Variants in CCDC178 observed in about 807,000 individuals in gnomAD.
CCDC178 encodes the protein coiled-coil domain-containing protein 178.
A neutral mutation model predicts 117.4 loss-of-function variants in CCDC178; 126 were observed. The ratio of observed to expected loss-of-function variants is 1.07; its 90% CI spans 0.93 to 1.24. The LOEUF is 1.24. Among genes scored for constraint, CCDC178 ranks in the 50% most tolerant of loss-of-function variants. The pLI, the probability that CCDC178 is intolerant of heterozygous loss-of-function variation, is 0.00. For synonymous variants in CCDC178, 283 were observed against 313.4 expected (o/e 0.90, Z 1.02); for missense variants, 1,030 against 986.9 (o/e 1.04, Z -0.59).
chr18:33,163,688 T>C (rs770125944), intron 20 of CCDC178, among the ~76,000 whole-genome samples: 14 of 152,174 alleles, frequency 9.2e-5, no homozygotes, highest in South Asian at 6.2e-4. Context: ...GCATTTGACA[T>C]GAAAATAATA....
chr18:33,148,711 T>C (rs1244469888), intron 20 of CCDC178, among the ~76,000 whole-genome samples: 2 of 152,222 alleles, frequency 1.3e-5, no homozygotes, highest in Non-Finnish European at 2.9e-5. Flanking sequence ...CCTTGTCTTC[T>C]TATTTCATCT....
Position 33,092,778 on chromosome 18 carries a change from T to C in CCDC178, c.2371A>G (p.Ile791Val), listed in dbSNP as rs368292012. The C allele has an allele frequency of 3.9e-5, 60 of 1,531,036 alleles. No individual in the cohort carries two copies. Among genetic ancestry groups the C allele is most frequent in the African/African-American group, 5.6e-5 (4 of 71,512 alleles). The allele number at this position is 1,531,036 out of a possible 1,614,324, so 94.8% of individuals were successfully genotyped here. A position where few individuals can be genotyped will look rare whatever the true frequency, so the allele number is the denominator to read the frequency against. Residue 791 changes from isoleucine (I) to valine (V), a missense_variant, in exon 21 of 23, where the codon ATT becomes GTT. By Grantham distance (29) the Ile-to-Val change is conservative. Transcript: ENST00000383096. ...ACCAATACCTGTTTCTTATCTCTAATTGAAGTATCAAGTGATAGCTGTTTA... is the reference window on the plus strand; with the variant it reads ...ACCAATACCTGTTTCTTATCTCTAACTGAAGTATCAAGTGATAGCTGTTTA... Reference protein sequence around the residue: ...YDKQLSLDTSIRDKKQLCQLQ... With the variant: ...YDKQLSLDTSVRDKKQLCQLQ...
chr18:33,073,527 CTATCTATCTATCTATCTATCTATCTATA>C (rs1268926604), intron 21 of CCDC178, among the ~76,000 whole-genome samples: 6 of 148,552 alleles, frequency 4.0e-5, no homozygotes, highest in Non-Finnish European at 5.9e-5. Context: ...ATCTATCTAT[CTATCTATCTATCTATCTATCTATCTATA>C]TATATATCTT....
intron 11 of CCDC178, 124 bp downstream of exon 11, chr18:33,323,367 G>A (rs1301807845): frequency 2.1e-6 from 1 of 483,922 alleles, no homozygotes; most frequent in Non-Finnish European, 3.3e-6. Context: ...GATAAGACAG[G>A]TATGAATAAT....
intron 21 of CCDC178, among the ~76,000 whole-genome samples, chr18:33,010,752 AT>A (rs1332125729): frequency 6.6e-6 from 1 of 152,116 alleles, no homozygotes; most frequent in African/African-American, 2.4e-5. Flanking sequence ...AGGTATGCAT[AT>A]TTTTTTCTTT....
rs551913268 is a variant in CCDC178 at position 33,041,431 on chromosome 18, AAT to A, written c.2388+51328_2388+51329del. 2.3e-3 allele frequency among the ~76,000 whole-genome samples: 341 copies of A among 150,488 alleles called. 4 individuals are homozygous for A. In the Middle Eastern group the frequency reaches 0.035, roughly 15 times the overall value. The stretch of plus-strand genomic sequence containing the variant: ...CAATGAAACATTTTATATAATGTAT[AAT>A]ATATGTTATATTAGAAAAAATCTAA... On this transcript the variant is annotated intron_variant, in intron 21 of 22. Transcript: ENST00000383096.
chr18:33,161,750 A>T (rs890744044), intron 20 of CCDC178, among the ~76,000 whole-genome samples: 2 of 152,106 alleles, frequency 1.3e-5, no homozygotes, highest in Admixed American at 6.5e-5. Context: ...ACATGAACTC[A>T]TCATTTTTTA....
chr18:33,366,123 T>G (rs1844601685), intron 6 of CCDC178, among the ~76,000 whole-genome samples: 1 of 152,074 alleles, frequency 6.6e-6, no homozygotes, highest in Admixed American at 6.6e-5. Context: ...ACTCATTCAG[T>G]GTACGTTATA....
intron 20 of CCDC178, among the ~76,000 whole-genome samples, chr18:33,138,928 G>A (rs993227605): frequency 1.3e-5 from 2 of 152,114 alleles, no homozygotes; most frequent in Non-Finnish European, 2.9e-5. Context: ...AGAAGGGAAG[G>A]AATTTCAGTG....
intron 21 of CCDC178, among the ~76,000 whole-genome samples, chr18:33,015,906 T>C (rs972688169): frequency 6.6e-6 from 1 of 152,172 alleles, no homozygotes; most frequent in Admixed American, 6.5e-5. Flanking sequence ...TGGCATAGGA[T>C]AGAATCAGTA....
chr18:33,280,964 G>A (rs546279899), intron 12 of CCDC178, among the ~76,000 whole-genome samples: 47 of 152,176 alleles, frequency 3.1e-4, no homozygotes, highest in African/African-American at 1.0e-3. Context: ...GGGGTGGGGC[G>A]CGGGGGAGCG....
intron 11 of CCDC178, among the ~76,000 whole-genome samples, chr18:33,309,729 AAAT>A (rs1475394418): frequency 1.3e-5 from 2 of 152,122 alleles, no homozygotes; most frequent in Non-Finnish European, 2.9e-5. Context: ...TATTGAGAAA[AAAT>A]AATAATTTTA....
intron 2 of CCDC178, among the ~76,000 whole-genome samples, chr18:33,422,361 C>T (rs1291177648): frequency 6.6e-6 from 1 of 152,032 alleles, no homozygotes; most frequent in African/African-American, 2.4e-5. Flanking sequence ...GCCAATTATT[C>T]TATTTTCTTC....
In CCDC178 at chr18:33,021,514, A is replaced by G. The variant is rs1195406795; in HGVS notation, c.2389-46833T>C. Among the ~76,000 whole-genome samples the G allele has an allele frequency of 5.3e-5, 8 of 152,292 alleles. No homozygotes were observed. The South Asian group carries it at 1.5e-3, about 28-fold the overall frequency. On this transcript the variant is annotated intron_variant, in intron 21 of 22. Coordinates refer to ENST00000383096, the MANE Select transcript of CCDC178 (RefSeq NM_001105528.4). ...GGAGTTTGAGACCAGCCTGGCCAAC[A>G]TGGCGAACACTGTTTCTACTAAAAA... is the stretch of plus-strand genomic sequence containing the variant.
At chr18:33,402,370 T>G (rs1049310224) in intron 3 of CCDC178, among the ~76,000 whole-genome samples, 2 of 152,226 alleles carry the variant, frequency 1.3e-5, no homozygotes, top group Admixed American at 6.5e-5. Context: ...CTTCTTAACT[T>G]TCCTTGGTCC....
At chr18:33,281,532 T>C (rs2060025780) in intron 12 of CCDC178, among the ~76,000 whole-genome samples, 1 of 152,090 alleles carries the variant, frequency 6.6e-6, no homozygotes. Context: ...AGGGTGAACA[T>C]AGTACAAAAT....
chr18:33,103,733 G>A (rs1461951131), intron 20 of CCDC178, among the ~76,000 whole-genome samples: 3 of 151,798 alleles, frequency 2.0e-5, no homozygotes, highest in South Asian at 4.2e-4. Context: ...GTGGTTCATA[G>A]AGGTCTTGCA....
At chr18:33,261,535 A>G (rs187467588) in intron 14 of CCDC178, among the ~76,000 whole-genome samples, 5 of 152,284 alleles carry the variant, frequency 3.3e-5, no homozygotes, top group Admixed American at 1.3e-4. Context: ...TGATGTTTCA[A>G]AATTATATTG....
At chr18:33,109,150 T>C (rs1159466593) in intron 20 of CCDC178, among the ~76,000 whole-genome samples, 3 of 151,720 alleles carry the variant, frequency 2.0e-5, no homozygotes, top group Non-Finnish European at 4.4e-5. Flanking sequence ...TTACAGCTTT[T>C]TGTGGGCTAA....
Sources: allele counts gnomAD v4.1 joint callset (sites outside exome capture counted in the v4.1 genomes callset), GRCh38; gene constraint gnomAD v4.1.1; transcripts MANE v1.5; gene names NCBI Gene and HGNC (gene_info 2026-07-23, HGNC 2026-07-21).